Variants in NFIA observed in about 807,000 individuals in gnomAD.
NFIA encodes the protein nuclear factor I A.
In NFIA, 8 loss-of-function variants were observed where a neutral mutation model predicts 62.8. That is an observed-to-expected ratio of 0.13 (90% confidence interval 0.07 to 0.23). The LOEUF is 0.23. Among genes scored for constraint, NFIA ranks in the 10% least tolerant of loss-of-function variants. NFIA has a pLI of 1.00. For missense variants in NFIA, 410 were observed against 642.1 expected, an observed-to-expected ratio of 0.64 and a Z score of 3.91; for synonymous variants, 235 against 238.1, an observed-to-expected ratio of 0.99 and a Z score of 0.12.
At chr1:61,424,507 C>T (rs945334505) in intron 9 of NFIA, among the ~76,000 whole-genome samples, 3 of 152,124 alleles carry the variant, frequency 2.0e-5, no homozygotes, top group Non-Finnish European at 4.4e-5. Flanking sequence ...CATGGACTCA[C>T]GTTTCAGCGT....
intron 2 of NFIA, among the ~76,000 whole-genome samples, chr1:61,224,878 T>C (rs924076447): frequency 1.3e-5 from 2 of 152,166 alleles, no homozygotes; most frequent in Admixed American, 6.5e-5. Flanking sequence ...GATAAGGGTG[T>C]TGAAAATGTG....
intron 4 of NFIA, 21 bp from the exon 5 acceptor site, chr1:61,352,429 T>G (rs1662594047): frequency 6.6e-7 from 1 of 1,523,342 alleles, no homozygotes; most frequent in African/African-American, 1.4e-5. Context: ...AACTGATTTT[T>G]GTTTGTTTTC....
intron 2 of NFIA, among the ~76,000 whole-genome samples, chr1:61,127,718 A>G (rs574161103): frequency 2.6e-5 from 4 of 152,296 alleles, no homozygotes; most frequent in African/African-American, 9.6e-5. Flanking sequence ...TTAAAAATGG[A>G]AAAAGAGACT....
At chr1:61,386,414 G>A (rs891636038) in intron 7 of NFIA, among the ~76,000 whole-genome samples, 5 of 152,128 alleles carry the variant, frequency 3.3e-5, no homozygotes, top group Admixed American at 3.3e-4. Flanking sequence ...CCTTTATCAG[G>A]TCCCCAGGGC....
At chr1:61,372,184 A>T (rs1663921263) in intron 6 of NFIA, among the ~76,000 whole-genome samples, 1 of 152,178 alleles carries the variant, frequency 6.6e-6, no homozygotes, top group Non-Finnish European at 1.5e-5. Flanking sequence ...CATTAACTCC[A>T]ATATGAAAGG....
Position 61,352,459 on chromosome 1 carries a change from C to T in NFIA, c.710C>T (p.Ala237Val), listed in dbSNP as rs1202095512. Residue 237 changes from alanine to valine, a missense_variant, in exon 5 of 11, where the codon GCT (alanine) becomes GTT (valine). This residue lies in a region of NFIA where 298 missense variants were observed against 438.1 expected (regional missense o/e 0.68). Transcript: ENST00000403491. ...GTTTTCTTAATTCTAGCACCAATAG[C>T]TGCAGGAACTGGCCCAAATTTTTCT... ...ELVRVSQTPI[A>V]AGTGPNFSLS... 2 of 1,612,164 alleles carry T rather than the reference C, an allele frequency of 1.2e-6. No individual in the cohort carries two copies. Among genetic ancestry groups the T allele is most frequent in the Non-Finnish European group, 1.7e-6 (2 of 1,178,360 alleles).
intron 4 of NFIA, among the ~76,000 whole-genome samples, chr1:61,339,841 G>A (rs1012551329): frequency 5.3e-5 from 8 of 152,146 alleles, no homozygotes; most frequent in Non-Finnish European, 1.0e-4. Flanking sequence ...TAAGGTGAGA[G>A]TATCCCCACC....
chr1:61,113,596 GAAAAAA>G (rs376543670), intron 2 of NFIA, among the ~76,000 whole-genome samples: 45 of 107,000 alleles, frequency 4.2e-4, no homozygotes, highest in African/African-American at 1.4e-3. Flanking sequence ...CTCCATCTCA[GAAAAAA>G]AAAAAAAAAA....
chr1:61,242,787 A>T (rs1421479438), intron 2 of NFIA, among the ~76,000 whole-genome samples: 1 of 152,146 alleles, frequency 6.6e-6, no homozygotes. Context: ...AGTAGCTGTT[A>T]AAAAAGGCTG....
Position 61,165,806 on chromosome 1 carries a change from G to A in NFIA, c.559+77126G>A, listed in dbSNP as rs528747706. Among the ~76,000 whole-genome samples the A allele has an allele frequency of 2.5e-3, 377 of 152,290 alleles. 3 individuals are homozygous for A. In the Middle Eastern group the frequency reaches 0.031, roughly 12 times the overall value. ...TCAATATTACTATGATAAGTTTAGG[G>A]TCTGTGAGTTGGCTGCCTACTGAGT... On this transcript the variant is annotated intron_variant, in intron 2 of 10. Coordinates refer to ENST00000403491, the MANE Select transcript of NFIA (RefSeq NM_001134673.4).
chr1:61,426,603 C>A (rs1371613795), intron 10 of NFIA, 47 bp downstream of exon 10: 2 of 1,382,882 alleles, frequency 1.4e-6, no homozygotes, highest in South Asian at 1.3e-5. Flanking sequence ...TTGTATTATT[C>A]ATCAGGTGCA....
chr1:61,184,236 G>A (rs1650982802), intron 2 of NFIA, among the ~76,000 whole-genome samples: 2 of 151,948 alleles, frequency 1.3e-5, no homozygotes, highest in Non-Finnish European at 2.9e-5. Flanking sequence ...GGTTCAGGCC[G>A]CCATTTTAAG....
At chr1:61,196,924 TGTGTGTGTGTGTGTGTGCGC>T (rs1477524412) in intron 2 of NFIA, among the ~76,000 whole-genome samples, 2 of 142,792 alleles carry the variant, frequency 1.4e-5, no homozygotes, top group African/African-American at 5.5e-5. Flanking sequence ...TGTGTGTGTG[TGTGTGTGTGTGTGTGTGCGC>T]GCGCGCGCTG....
chr1:61,270,313 A>G (rs1657428587), intron 2 of NFIA, among the ~76,000 whole-genome samples: 1 of 152,186 alleles, frequency 6.6e-6, no homozygotes, highest in Admixed American at 6.5e-5. Context: ...AGAAACTGAG[A>G]TCCAGCACAG....
intron 2 of NFIA, among the ~76,000 whole-genome samples, chr1:61,238,615 C>CA (rs925574107): frequency 2.4e-4 from 36 of 152,252 alleles, no homozygotes; most frequent in African/African-American, 8.7e-4. Context: ...AATGCAAGCT[C>CA]ACAGGGCTCA....
intron 4 of NFIA, among the ~76,000 whole-genome samples, chr1:61,348,996 A>G (rs1662400517): frequency 6.6e-6 from 1 of 152,352 alleles, no homozygotes; most frequent in African/African-American, 2.4e-5. Flanking sequence ...ATCTCCAGGA[A>G]GGCACAAAGC....
intron 10 of NFIA, among the ~76,000 whole-genome samples, chr1:61,450,413 T>C (rs1668006493): frequency 1.3e-5 from 2 of 152,176 alleles, no homozygotes; most frequent in South Asian, 4.2e-4. Flanking sequence ...TCCACAGAAG[T>C]GCGGGAAGCC....
chr1:61,223,381 A>G (rs2100620294), intron 2 of NFIA, among the ~76,000 whole-genome samples: 1 of 152,130 alleles, frequency 6.6e-6, no homozygotes, highest in East Asian at 1.9e-4. Flanking sequence ...GCTTTAATGA[A>G]AGGTGTCACA....
At chr1:61,218,829 A>G (rs1653818601) in intron 2 of NFIA, among the ~76,000 whole-genome samples, 1 of 152,250 alleles carries the variant, frequency 6.6e-6, no homozygotes, top group African/African-American at 2.4e-5. Flanking sequence ...TGTGGCAATT[A>G]AGATCTATAT....
Sources: gnomAD v4.1 joint callset for allele counts (sites outside exome capture counted in the v4.1 genomes callset) on GRCh38, gnomAD v4.1.1 for gene constraint, gnomAD v4.1.1 regional missense constraint, MANE v1.5 for transcripts, NCBI Gene and HGNC (gene_info 2026-07-23, HGNC 2026-07-21) for gene names.